WDTC1: variants seen among roughly 807,000 people sequenced by gnomAD.
The protein encoded by WDTC1 is WD and tetratricopeptide repeats 1.
A neutral mutation model predicts 76.0 loss-of-function variants in WDTC1; 12 were observed. That is an observed-to-expected ratio of 0.16 (90% CI 0.10 to 0.26). WDTC1 has a LOEUF of 0.26. Ranked by LOEUF, WDTC1 falls within the 10% of genes least tolerant of loss-of-function variation. The probability of loss-of-function intolerance (pLI) is 1.00; values close to 1 mark genes in which losing one functional copy is unlikely to be tolerated. For synonymous variants in WDTC1, 326 were observed against 350.8 expected, an observed-to-expected ratio of 0.93 and a Z score of 0.79; for missense variants, 511 against 908.8, an observed-to-expected ratio of 0.56 and a Z score of 5.63.
intron 7 of WDTC1, among the ~76,000 whole-genome samples, chr1:27,293,395 G>C (rs930330569): frequency 4.9e-5 from 7 of 144,318 alleles, no homozygotes; most frequent in African/African-American, 1.8e-4. Context: ...TCCTGCCACT[G>C]CACTCCAGCC....
chr1:27,293,933 C>A, intron 7 of WDTC1, 89 bp from the exon 8 acceptor site: 2 of 1,276,626 alleles, frequency 1.6e-6, no homozygotes, highest in South Asian at 1.3e-5. Flanking sequence ...GTCTCAGATA[C>A]AAATGTAAGT....
chr1:27,236,731 A>G (rs2011497328), intron 1 of WDTC1, among the ~76,000 whole-genome samples: 1 of 152,208 alleles, frequency 6.6e-6, no homozygotes, highest in South Asian at 2.1e-4. Context: ...AAAATCTTGA[A>G]GCCCACTGCC....
At chr1:27,289,831 G>A (rs1237035202) in intron 6 of WDTC1, among the ~76,000 whole-genome samples, 12 of 152,166 alleles carry the variant, frequency 7.9e-5, no homozygotes, top group Admixed American at 2.6e-4. Context: ...AAAAAAATAC[G>A]AAAACCAGTC....
upstream of WDTC1, chr1:27,234,549 G>C (rs376355134): frequency 5.2e-6 from 2 of 382,874 alleles, no homozygotes; most frequent in Non-Finnish European, 9.3e-6. Context: ...TTCTGGAAGC[G>C]GCCGGGCGCA....
chr1:27,235,434 G>C lies in WDTC1; in HGVS notation c.-100+483G>C, dbSNP rs981329011. Among the ~76,000 whole-genome samples the C allele has an allele frequency of 2.0e-3, 266 of 131,140 alleles. 1 individual carries two copies. Among genetic ancestry groups the C allele is most frequent in the African/African-American group, 7.2e-3 (254 of 35,112 alleles). 86.0% of individuals were successfully genotyped at this position (131,140 alleles called of 152,430 possible). A position where few individuals can be genotyped will look rare whatever the true frequency, so the allele number is the denominator to read the frequency against. Reference sequence around the variant, plus strand: ...TGTGTGTGTGTGTGTGTGTGTGTGTGTGTCCACAGCAGATGCCTTCAGTGG... The same window carrying C: ...TGTGTGTGTGTGTGTGTGTGTGTGTCTGTCCACAGCAGATGCCTTCAGTGG... On this transcript the variant is annotated intron_variant, in intron 1 of 15. Transcript: ENST00000319394.
At position 27,283,428 on chromosome 1, in the gene WDTC1, C is replaced by G. The variant is rs748448840; in HGVS notation, c.270C>G (p.Thr90=). Residue 90 remains threonine (T), a synonymous_variant, in exon 5 of 16, where the codon ACC becomes ACG. Coordinates refer to ENST00000319394, the MANE Select transcript of WDTC1 (RefSeq NM_001276252.2). ...TGCTCTCCATGCACACGGGACACAC[C>G]GCAAATATCTTCTCTGTCAAGGTGA... ...KKLLSMHTGH[T]ANIFSVKFLP... is the part of the protein sequence containing the mutation. 3 of 1,612,958 alleles carry G rather than the reference C, an allele frequency of 1.9e-6. No homozygotes were observed. Among genetic ancestry groups the G allele is most frequent in the Middle Eastern group, 1.7e-4 (1 of 6,058 alleles).
rs533446144 is a variant in WDTC1, at chr1:27,303,188, C to T, written c.1469-433C>T. On this transcript the variant is annotated intron_variant, in intron 13 of 15. Transcript: ENST00000319394. The surrounding 1 kb of genome is among the most constrained non-coding windows in gnomAD (Gnocchi z 4.8). ...ACTCAGGAGGCTGAGGCAGGAGAAT[C>T]GCTTGAACCTTGGAGGTGGAGGTTG... is the stretch of plus-strand genomic sequence containing the variant. 6.6e-5 allele frequency among the ~76,000 whole-genome samples: 10 copies of T among 151,784 alleles called. No individual in the cohort carries two copies. The South Asian group carries it at 2.1e-3, about 32-fold the overall frequency.
intron 5 of WDTC1, among the ~76,000 whole-genome samples, chr1:27,285,064 A>C (rs2013295161): frequency 8.8e-6 from 1 of 113,050 alleles, no homozygotes; most frequent in Non-Finnish European, 1.7e-5. Flanking sequence ...GGTGAGTCTT[A>C]CTCTGAATGT....
intron 1 of WDTC1, among the ~76,000 whole-genome samples, chr1:27,252,766 C>T (rs938274862): frequency 1.3e-5 from 2 of 151,802 alleles, no homozygotes; most frequent in Admixed American, 6.6e-5. Context: ...CCACTGCACC[C>T]CAGCCTGGGT....
At chr1:27,269,729 A>G (rs1352796855) in intron 3 of WDTC1, among the ~76,000 whole-genome samples, 1 of 145,424 alleles carries the variant, frequency 6.9e-6, no homozygotes, top group Non-Finnish European at 1.5e-5. Flanking sequence ...ATTCTGCCTC[A>G]GCCTCCTGAG....
chr1:27,298,770 C>T (rs2013757420), intron 12 of WDTC1, among the ~76,000 whole-genome samples: 2 of 151,596 alleles, frequency 1.3e-5, no homozygotes, highest in African/African-American at 4.9e-5. Context: ...CCCCATCCCC[C>T]AGCCAGGGCC....
intron 3 of WDTC1, among the ~76,000 whole-genome samples, chr1:27,281,120 C>A (rs947456696): frequency 6.6e-6 from 1 of 151,906 alleles, no homozygotes; most frequent in African/African-American, 2.4e-5. Context: ...CTCCTGTACC[C>A]CCAGCATCTG....
At chr1:27,258,025 G>C (rs569801418) in intron 1 of WDTC1, among the ~76,000 whole-genome samples, 1 of 151,632 alleles carries the variant, frequency 6.6e-6, no homozygotes, top group Non-Finnish European at 1.5e-5. Flanking sequence ...TCCTGACCTC[G>C]TGATCCGCCC....
At chr1:27,299,297 G>A (rs551092022) in intron 12 of WDTC1, among the ~76,000 whole-genome samples, 22 of 152,288 alleles carry the variant, frequency 1.4e-4, no homozygotes, top group African/African-American at 5.1e-4. Context: ...CCAGACAGTG[G>A]GTAAAGTGGT....
intron 3 of WDTC1, among the ~76,000 whole-genome samples, chr1:27,263,680 C>T (rs1320021659): frequency 2.6e-5 from 4 of 152,108 alleles, no homozygotes; most frequent in Non-Finnish European, 4.4e-5. Context: ...GTGATCCGCC[C>T]GCCTTGGACT....
chr1:27,272,020 CG>C (rs960125223), intron 3 of WDTC1, among the ~76,000 whole-genome samples: 8 of 149,506 alleles, frequency 5.4e-5, no homozygotes, highest in African/African-American at 2.0e-4. Context: ...CCGAGGCGGG[CG>C]GATCACCTGA....
chr1:27,304,110 T>C lies in WDTC1; in HGVS notation c.1643+315T>C. 1.3e-5 allele frequency: 4 copies of C among 316,690 alleles called. 1 individual carries two copies. In the South Asian group the frequency reaches 1.3e-4, roughly 10 times the overall value. 19.6% of individuals were successfully genotyped at this position (316,690 alleles called of 1,614,324 possible). A position where few individuals can be genotyped will look rare whatever the true frequency, so the allele number is the denominator to read the frequency against. On this transcript the variant is annotated intron_variant, in intron 14 of 15. Coordinates refer to ENST00000319394, the MANE Select transcript of WDTC1 (RefSeq NM_001276252.2). ...CTGCATGTGCCAGAGCTTGGTTTCT[T>C]TATCTGCATTCAAGGAACCTCCCTC... is the stretch of plus-strand genomic sequence containing the variant.
At chr1:27,254,428 C>A (rs2012204124) in intron 1 of WDTC1, among the ~76,000 whole-genome samples, 1 of 152,050 alleles carries the variant, frequency 6.6e-6, no homozygotes, top group Non-Finnish European at 1.5e-5. Context: ...GAAACCCTGT[C>A]TCTGCAAAAA....
intron 1 of WDTC1, among the ~76,000 whole-genome samples, chr1:27,257,702 G>T (rs994860082): frequency 6.6e-6 from 1 of 152,100 alleles, no homozygotes; most frequent in South Asian, 2.1e-4. Flanking sequence ...AAATGCCAGC[G>T]ACTGCCATAT....
Sources: gnomAD v4.1 joint callset for allele counts (sites outside exome capture counted in the v4.1 genomes callset) on GRCh38, gnomAD v4.1.1 for gene constraint, Gnocchi (gnomAD v3.1) non-coding constraint, MANE v1.5 for transcripts, NCBI Gene and HGNC (gene_info 2026-07-23, HGNC 2026-07-21) for gene names.